CTPS1: variants seen among roughly 807,000 people sequenced by gnomAD.
CTPS1 encodes CTP synthetase 1.
CTPS1 carries 25 observed loss-of-function variants against 80.5 expected under a neutral mutation model. The observed-to-expected ratio is 0.31, with a 90% confidence interval of 0.23 to 0.43. CTPS1 has a LOEUF of 0.43. Ranked by LOEUF, CTPS1 falls within the 20% of genes least tolerant of loss-of-function variation. The pLI, the probability that CTPS1 is intolerant of heterozygous loss-of-function variation, is 1.00. For synonymous variants in CTPS1, 267 were observed against 252.5 expected (o/e 1.06, Z -0.54); for missense variants, 442 against 725.7 (o/e 0.61, Z 4.49).
At chr1:41,008,356 T>C (rs972701757) in intron 14 of CTPS1, among the ~76,000 whole-genome samples, 1 of 152,230 alleles carries the variant, frequency 6.6e-6, no homozygotes, top group East Asian at 1.9e-4. Flanking sequence ...CATCCTGATT[T>C]GCTTTCCAAG....
At chr1:41,002,628 T>A (rs552830328) in intron 11 of CTPS1, among the ~76,000 whole-genome samples, 1 of 152,318 alleles carries the variant, frequency 6.6e-6, no homozygotes, top group Admixed American at 6.5e-5. Context: ...TTTTAGTAAT[T>A]TTCAACTTGA....
intron 8 of CTPS1, 35 bp downstream of exon 8, chr1:40,996,103 T>G: frequency 6.2e-7 from 1 of 1,612,874 alleles, no homozygotes; most frequent in Non-Finnish European, 8.5e-7. Flanking sequence ...AGTGCTAGCC[T>G]CCTTTACTCT....
At chr1:40,983,564 T>A (rs1215056030) in intron 2 of CTPS1, 108 bp downstream of exon 2, 5 of 862,826 alleles carry the variant, frequency 5.8e-6, no homozygotes, top group Non-Finnish European at 9.1e-6. Context: ...TTCTAACAGG[T>A]CCCTTAATAC....
chr1:40,991,117 C>G (rs776745334), intron 5 of CTPS1, 48 bp from the exon 6 acceptor site: 2 of 1,384,234 alleles, frequency 1.4e-6, no homozygotes, highest in Non-Finnish European at 2.0e-6. Context: ...TTGAAAATTC[C>G]TTATCAGAGG....
rs763862472 is a variant in CTPS1 at position 40,996,024 on chromosome 1, GC to G, written c.829del (p.Gln277SerfsTer6). On this transcript the variant is annotated frameshift_variant, in exon 8 of 19. Coordinates refer to ENST00000650070, the MANE Select transcript of CTPS1 (RefSeq NM_001905.4). LOFTEE classifies it high-confidence loss of function. ...GAAGACTTGACCTTCCTATTGAGAGGCAGCCAAGAAAAATGCTGATGAAATG... is the reference window on the plus strand; with the variant it reads ...GAAGACTTGACCTTCCTATTGAGAGGAGCCAAGAAAAATGCTGATGAAATG... ...LRRLDLPIER[Q>X]PRKMLMKWKE... 1 of 1,614,132 alleles carries G rather than the reference GC, an allele frequency of 6.2e-7. No homozygotes were observed. Among genetic ancestry groups the G allele is most frequent in the East Asian group, 2.2e-5 (1 of 44,880 alleles).
At chr1:41,001,901 A>G (rs1448216657) in intron 10 of CTPS1, among the ~76,000 whole-genome samples, 4 of 152,254 alleles carry the variant, frequency 2.6e-5, no homozygotes, top group Non-Finnish European at 5.9e-5. Flanking sequence ...TACCAAAGAT[A>G]GTGCAGTGGC....
At chr1:41,009,356 T>A (rs768562740) in intron 16 of CTPS1, 89 bp from the exon 17 acceptor site, 16 of 1,341,262 alleles carry the variant, frequency 1.2e-5, no homozygotes, top group Non-Finnish European at 1.6e-5. Flanking sequence ...TTAGGGCCTA[T>A]GGAAACAAAC....
At position 41,002,175 on chromosome 1, in the gene CTPS1, A is replaced by G. The variant is rs752438570; in HGVS notation, c.1110A>G (p.Pro370=). 1.1e-5 allele frequency: 17 copies of G among 1,614,220 alleles called. No homozygotes were observed. The highest frequency in any genetic ancestry group is 1.4e-5 in the Non-Finnish European group (17 of 1,180,032). Reference sequence around the variant, plus strand: ...TTTTGTGCAGTGGAGTGCTGGTTCCAGGAGGATTTGGTGTTCGAGGAACAG... The same window carrying G: ...TTTTGTGCAGTGGAGTGCTGGTTCCGGGAGGATTTGGTGTTCGAGGAACAG... The part of the protein sequence containing the change: ...KLCSAHGVLV[P]GGFGVRGTEG... Residue 370 remains proline (P), a synonymous_variant, in exon 11 of 19, where the codon CCA becomes CCG. Transcript: ENST00000650070.
chr1:41,010,369 G>A (rs1427069020), intron 18 of CTPS1, 115 bp downstream of exon 18: 2 of 703,126 alleles, frequency 2.8e-6, no homozygotes, highest in Non-Finnish European at 4.9e-6. Flanking sequence ...AATGAAAGTG[G>A]TGAGGTCTTG....
chr1:40,995,342 C>T (rs1315330805), intron 7 of CTPS1, among the ~76,000 whole-genome samples: 8 of 152,000 alleles, frequency 5.3e-5, no homozygotes, highest in Admixed American at 1.3e-4. Flanking sequence ...CCTCAGCCTC[C>T]CGAGTAGCTG....
Position 41,011,766 on chromosome 1 carries a change from T to C in CTPS1, c.*118T>C, listed in dbSNP as rs1305898575. On this transcript the variant is annotated 3_prime_UTR_variant, in exon 19 of 19. Transcript: ENST00000650070. ...TTATGTTTTTATTAAGATTATTTTA[T>C]TATGCGGAAAGGTATTTGGGAAACT... The C allele has an allele frequency of 6.6e-6, 1 of 152,224 alleles. No homozygotes were observed. Among genetic ancestry groups the C allele is most frequent in the African/African-American group, 2.4e-5 (1 of 41,446 alleles). 9.4% of individuals were successfully genotyped at this position (152,224 alleles called of 1,614,324 possible).
At chr1:40,984,676 A>G (rs367835354) in intron 2 of CTPS1, 145 bp from the exon 3 acceptor site, 2 of 579,204 alleles carry the variant, frequency 3.5e-6, no homozygotes, top group Non-Finnish European at 5.6e-6. Flanking sequence ...TTTGTGTGTC[A>G]TATTTAGTCT....
At chr1:40,992,363 A>G (rs182938544) in intron 7 of CTPS1, among the ~76,000 whole-genome samples, 2 of 151,918 alleles carry the variant, frequency 1.3e-5, no homozygotes, top group African/African-American at 2.4e-5. Context: ...GTGTGTGTAC[A>G]TGTGTGGTGT....
intron 4 of CTPS1, 100 bp downstream of exon 4, chr1:40,987,572 A>G (rs947118253): frequency 1.9e-4 from 163 of 844,546 alleles, no homozygotes; most frequent in Non-Finnish European, 2.9e-4. Flanking sequence ...TGGCCTTCCT[A>G]TCTCTGGTGC....
chr1:40,994,743 T>G (rs1642709332), intron 7 of CTPS1, among the ~76,000 whole-genome samples: 1 of 152,246 alleles, frequency 6.6e-6, no homozygotes, highest in Admixed American at 6.5e-5. Context: ...AAGTGGCCAT[T>G]CTGGCCTTGT....
intron 1 of CTPS1, 78 bp from the exon 2 acceptor site, chr1:40,983,200 C>T (rs1570937348): frequency 1.6e-6 from 2 of 1,228,650 alleles, no homozygotes; most frequent in East Asian, 2.5e-5. Flanking sequence ...TAATAATTGG[C>T]AGAGCCAGTG....
chr1:41,010,568 T>C (rs1250152034), intron 18 of CTPS1, among the ~76,000 whole-genome samples: 4 of 152,182 alleles, frequency 2.6e-5, no homozygotes, highest in African/African-American at 9.7e-5. Flanking sequence ...TGACCAGTTC[T>C]GGGGCGGGGA....
chr1:40,992,552 G>T (rs1642640013), intron 7 of CTPS1, among the ~76,000 whole-genome samples: 1 of 152,136 alleles, frequency 6.6e-6, no homozygotes, highest in Non-Finnish European at 1.5e-5. Flanking sequence ...TCTAAGTGTG[G>T]TGCTTAGTAT....
At chr1:41,009,730 C>T in intron 17 of CTPS1, 141 bp downstream of exon 17, 2 of 981,248 alleles carry the variant, frequency 2.0e-6, no homozygotes, top group Non-Finnish European at 3.0e-6. Flanking sequence ...CCTCTCCTTT[C>T]CCGGAGCTTT....
Sources: gnomAD v4.1 joint callset for allele counts (sites outside exome capture counted in the v4.1 genomes callset) on GRCh38, gnomAD v4.1.1 for gene constraint, MANE v1.5 for transcripts, NCBI Gene and HGNC (gene_info 2026-07-23, HGNC 2026-07-21) for gene names.